The following RIN3 variants were observed in gnomAD, a reference collection of about 807,000 sequenced individuals.
RIN3 encodes RAB5 interacting protein 3.
RIN3 carries 54 observed loss-of-function variants against 76.3 expected under a neutral mutation model. The ratio of observed to expected loss-of-function variants is 0.71; its 90% CI spans 0.57 to 0.89. The LOEUF (loss-of-function observed/expected upper bound fraction) is 0.89. RIN3 is among the 40% of genes least tolerant of loss of function. The pLI, the probability that RIN3 is intolerant of heterozygous loss-of-function variation, is 0.00. For missense variants in RIN3, 1,256 were observed against 1,322.1 expected (o/e 0.95, Z 0.78); for synonymous variants, 576 against 564.0 (o/e 1.02, Z -0.30).
chr14:92,650,407 G>C (rs1245352408), intron 5 of RIN3, among the ~76,000 whole-genome samples: 1 of 152,222 alleles, frequency 6.6e-6, no homozygotes, highest in African/African-American at 2.4e-5. Context: ...GTAAAGCAAG[G>C]AGCCCGTGGG....
At chr14:92,624,712 G>A (rs928947882) in intron 4 of RIN3, among the ~76,000 whole-genome samples, 27 of 152,296 alleles carry the variant, frequency 1.8e-4, no homozygotes, top group African/African-American at 4.3e-4. Context: ...ATCTAGTTAC[G>A]TTAATAATGA....
At chr14:92,584,116 T>C (rs958243393) in intron 3 of RIN3, among the ~76,000 whole-genome samples, 1 of 150,442 alleles carries the variant, frequency 6.6e-6, no homozygotes, top group African/African-American at 2.5e-5. Context: ...TGCCATTTCA[T>C]ATCAAGGACT....
chr14:92,662,503 G>T (rs1046876073), intron 7 of RIN3, among the ~76,000 whole-genome samples: 1 of 152,238 alleles, frequency 6.6e-6, no homozygotes, highest in Non-Finnish European at 1.5e-5. Flanking sequence ...GTGTTCAATA[G>T]GCACAGCCAC....
At chr14:92,633,991 TG>T (rs1886682735) in intron 4 of RIN3, among the ~76,000 whole-genome samples, 1 of 151,286 alleles carries the variant, frequency 6.6e-6, no homozygotes, top group African/African-American at 2.4e-5. Flanking sequence ...CAGAGAGAGG[TG>T]CTGGCTCCCT....
At chr14:92,658,255 T>C (rs945446594) in intron 6 of RIN3, among the ~76,000 whole-genome samples, 1 of 152,154 alleles carries the variant, frequency 6.6e-6, no homozygotes, top group Non-Finnish European at 1.5e-5. Context: ...GCCTCTCAGA[T>C]AGGACGACAT....
chr14:92,616,978 A>T (rs1027769452), intron 4 of RIN3, among the ~76,000 whole-genome samples: 1 of 152,196 alleles, frequency 6.6e-6, no homozygotes, highest in Non-Finnish European at 1.5e-5. Flanking sequence ...AGCTTAGTCC[A>T]AAACAACAGC....
At chr14:92,566,334 C>G (rs1041101727) in intron 2 of RIN3, among the ~76,000 whole-genome samples, 4 of 152,190 alleles carry the variant, frequency 2.6e-5, no homozygotes, top group African/African-American at 9.7e-5. Flanking sequence ...TGCAAAATGG[C>G]AGCTGCAGCT....
In RIN3 at chr14:92,652,239, TAGA is replaced by T; in HGVS notation, c.1194_1196del (p.Glu398del). The stretch of plus-strand genomic sequence containing the variant: ...CGCCGCGTTTCCGAGAGGGTGTCCT[TAGA>T]AGACCAAAGTCCGGGGATGGCGGCA... On this transcript the variant is annotated inframe_deletion, in exon 6 of 10. Transcript: ENST00000216487. This position sits in a 1 kb window ranked among gnomAD's most constrained non-coding sequence, Gnocchi z 6.4. 1.2e-6 allele frequency: 2 copies of T among 1,610,692 alleles called. No individual in the cohort carries two copies. Among genetic ancestry groups the T allele is most frequent in the Non-Finnish European group, 1.7e-6 (2 of 1,177,988 alleles).
chr14:92,664,767 C>T lies in RIN3; in HGVS notation c.2335+5298C>T, dbSNP rs961932813. On this transcript the variant is annotated intron_variant, in intron 7 of 9. Transcript: ENST00000216487. ...CTGTGTCCTTTACCCCAAACGCTTT[C>T]CTAGGTATTTTGTGGCATGTATGTA... Among the ~76,000 whole-genome samples the T allele has an allele frequency of 2.4e-4, 36 of 152,162 alleles. 1 individual carries two copies. Among genetic ancestry groups the T allele is most frequent in the African/African-American group, 6.8e-4 (28 of 41,444 alleles).
At position 92,685,144 on chromosome 14, in the gene RIN3, C is replaced by T. The variant is rs199850244; in HGVS notation, c.2625C>T (p.Ser875=). The T allele has an allele frequency of 9.9e-6, 16 of 1,608,662 alleles. No individual in the cohort carries two copies. The highest frequency in any genetic ancestry group is 3.3e-4 in the Middle Eastern group (2 of 6,048). ...ACAAGGCCCGGGCCTCCCGCTCCTC[C>T]GTACAGGTGAGGCCTGAGAGCGGGA... ...TLNKARASRS[S]VQDFICVSYL... The change falls in exon 9 of 10, where the codon TCC becomes TCT. Residue 875 remains serine, a synonymous_variant. Transcript: ENST00000216487. This position sits in a 1 kb window ranked among gnomAD's most constrained non-coding sequence, Gnocchi z 4.7.
chr14:92,517,706 G>C (rs1478962472), intron 1 of RIN3, among the ~76,000 whole-genome samples: 1 of 152,180 alleles, frequency 6.6e-6, no homozygotes, highest in African/African-American at 2.4e-5. Context: ...TGCCCACCAG[G>C]AGTGTCTGAA....
chr14:92,549,859 T>G (rs1041357158), intron 1 of RIN3, among the ~76,000 whole-genome samples: 1 of 152,220 alleles, frequency 6.6e-6, no homozygotes, highest in African/African-American at 2.4e-5. Flanking sequence ...GTGGAGCAAT[T>G]TCTCTTTCTG....
At chr14:92,576,382 G>T (rs1405578399) in intron 2 of RIN3, 1 of 1,289,696 alleles carries the variant, frequency 7.8e-7, no homozygotes, top group East Asian at 5.5e-5. Flanking sequence ...TGAGACCTCG[G>T]TTAGTATTTG....
intron 5 of RIN3, among the ~76,000 whole-genome samples, chr14:92,650,104 GCCT>G (rs1221530978): frequency 6.6e-6 from 1 of 152,224 alleles, no homozygotes; most frequent in African/African-American, 2.4e-5. Flanking sequence ...AACATCAAGA[GCCT>G]GTTGTGTTGT....
rs190906155 is a variant in RIN3 at position 92,623,408 on chromosome 14, C to T, written c.440+7929C>T. Among the ~76,000 whole-genome samples, 8 of 152,286 alleles carry T rather than the reference C, an allele frequency of 5.3e-5. No homozygotes were observed. The South Asian group carries it at 6.2e-4, about 12-fold the overall frequency. ...AGCATCCCTAGTGTAATTAATAAATCGCTGCTGGTTATAATAGATGTAATT... is the reference window on the plus strand; with the variant it reads ...AGCATCCCTAGTGTAATTAATAAATTGCTGCTGGTTATAATAGATGTAATT... On this transcript the variant is annotated intron_variant, in intron 4 of 9. Coordinates refer to ENST00000216487, the MANE Select transcript of RIN3 (RefSeq NM_024832.5). The surrounding 1 kb of genome is among the most constrained non-coding windows in gnomAD (Gnocchi z 4.9).
At chr14:92,587,931 G>T (rs1884835344) in intron 3 of RIN3, among the ~76,000 whole-genome samples, 1 of 152,160 alleles carries the variant, frequency 6.6e-6, no homozygotes, top group African/African-American at 2.4e-5. Context: ...GACACCAGCA[G>T]GTTCTCTTGT....
chr14:92,654,361 C>T lies in RIN3; in HGVS notation c.2026+1286C>T, dbSNP rs550493378. ...AGAAAAAAAATACATTCTGTCAGTTCGCACTGCCGTAGCCAAAAAGTGGTT... is the reference window on the plus strand; with the variant it reads ...AGAAAAAAAATACATTCTGTCAGTTTGCACTGCCGTAGCCAAAAAGTGGTT... On this transcript the variant is annotated intron_variant, in intron 6 of 9. Transcript: ENST00000216487. Among the ~76,000 whole-genome samples the T allele has an allele frequency of 5.9e-5, 9 of 152,088 alleles. 1 individual carries two copies. The South Asian group carries it at 1.2e-3, about 21-fold the overall frequency.
intron 7 of RIN3, among the ~76,000 whole-genome samples, chr14:92,671,188 T>C (rs901459103): frequency 2.0e-5 from 3 of 152,082 alleles, no homozygotes; most frequent in Non-Finnish European, 4.4e-5. Context: ...CTCAGCACAC[T>C]CACGATGTGA....
rs759528133 is a variant in RIN3 at position 92,578,217 on chromosome 14, CAG to C, written c.367+743_367+744del. Among the ~76,000 whole-genome samples, 112 of 139,032 alleles carry C rather than the reference CAG, an allele frequency of 8.1e-4. 1 individual carries two copies. Among genetic ancestry groups the C allele is most frequent in the Middle Eastern group, 4.0e-3 (1 of 252 alleles). 91.2% of individuals were successfully genotyped at this position (139,032 alleles called of 152,430 possible). A position where few individuals can be genotyped will look rare whatever the true frequency, so the allele number is the denominator to read the frequency against. On this transcript the variant is annotated intron_variant, in intron 3 of 9. Transcript: ENST00000216487. ...TGCTACTGCATTCCATCCTGGGTGA[CAG>C]AGGGAGATCTGGCCTAAAAAAAAAA...
Sources: allele counts gnomAD v4.1 joint callset (sites outside exome capture counted in the v4.1 genomes callset), GRCh38; gene constraint gnomAD v4.1.1; non-coding constraint Gnocchi (gnomAD v3.1); transcripts MANE v1.5; gene names NCBI Gene and HGNC (gene_info 2026-07-23, HGNC 2026-07-21).